The following FBXW4 variants were observed in gnomAD, a reference collection of about 807,000 sequenced individuals.
FBXW4 encodes the protein F-box and WD repeat domain containing 4.
Under a neutral mutation model 61.8 loss-of-function variants are expected in FBXW4, and 40 were observed. The ratio of observed to expected loss-of-function variants is 0.65; its 90% CI spans 0.50 to 0.84. The LOEUF (loss-of-function observed/expected upper bound fraction) is 0.84, where lower values mean the gene tolerates loss of function less well. FBXW4 is among the 40% of genes least tolerant of loss of function. The probability of loss-of-function intolerance (pLI) is 0.00; values close to 1 mark genes in which losing one functional copy is unlikely to be tolerated. For missense variants in FBXW4, 672 were observed against 753.8 expected (o/e 0.89, Z 1.27); for synonymous variants, 311 against 313.8 (o/e 0.99, Z 0.10).
At chr10:101,637,604 A>G (rs1401713940) in intron 5 of FBXW4, among the ~76,000 whole-genome samples, 2 of 143,972 alleles carry the variant, frequency 1.4e-5, no homozygotes, top group African/African-American at 5.2e-5. Context: ...TCTACTTGGG[A>G]AGCTGAGGCA....
intron 5 of FBXW4, among the ~76,000 whole-genome samples, chr10:101,666,834 A>G (rs576747049): frequency 6.6e-6 from 1 of 152,218 alleles, no homozygotes; most frequent in East Asian, 1.9e-4. Flanking sequence ...AGATGGGAGG[A>G]TCACTTGAGG....
chr10:101,639,319 T>C (rs575360901), intron 5 of FBXW4, among the ~76,000 whole-genome samples: 8 of 152,260 alleles, frequency 5.3e-5, no homozygotes, highest in African/African-American at 1.9e-4. Flanking sequence ...ATCAACAGCT[T>C]ACAAAGGAGG....
intron 5 of FBXW4, among the ~76,000 whole-genome samples, chr10:101,639,102 C>T (rs1266904130): frequency 6.6e-6 from 1 of 152,188 alleles, no homozygotes; most frequent in Non-Finnish European, 1.5e-5. Context: ...AGTTTAATCC[C>T]AAATCATGCA....
At chr10:101,648,358 CAA>C (rs1344601991) in intron 5 of FBXW4, among the ~76,000 whole-genome samples, 6 of 152,136 alleles carry the variant, frequency 3.9e-5, no homozygotes, top group Non-Finnish European at 5.9e-5. Flanking sequence ...TCTCCCATCA[CAA>C]AACAGTATCT....
At chr10:101,659,727 C>T (rs2064225045) in intron 5 of FBXW4, among the ~76,000 whole-genome samples, 1 of 152,170 alleles carries the variant, frequency 6.6e-6, no homozygotes. Context: ...GGGAGAATAG[C>T]TTTATCAAAT....
intron 1 of FBXW4, among the ~76,000 whole-genome samples, chr10:101,687,967 G>A (rs758409178): frequency 6.6e-6 from 1 of 152,202 alleles, no homozygotes; most frequent in Non-Finnish European, 1.5e-5. Context: ...AGGAGAAACT[G>A]GAGACAACCT....
intron 6 of FBXW4, among the ~76,000 whole-genome samples, chr10:101,616,851 G>A (rs2063829374): frequency 6.6e-6 from 1 of 152,220 alleles, no homozygotes; most frequent in African/African-American, 2.4e-5. Flanking sequence ...TCCAGGCCCC[G>A]ATTGTAGATA....
intron 2 of FBXW4, among the ~76,000 whole-genome samples, chr10:101,674,919 A>G (rs1271575093): frequency 6.6e-6 from 1 of 152,204 alleles, no homozygotes; most frequent in Non-Finnish European, 1.5e-5. Context: ...CCTATTCTAC[A>G]TAGGGGTTCT....
chr10:101,618,374 T>C (rs1201987106), intron 6 of FBXW4, among the ~76,000 whole-genome samples: 1 of 152,180 alleles, frequency 6.6e-6, no homozygotes, highest in African/African-American at 2.4e-5. Flanking sequence ...GCTGTTTATA[T>C]TGAAGAGCGA....
intron 3 of FBXW4, 21 bp from the exon 4 acceptor site, chr10:101,673,068 C>T (rs753647701): frequency 1.2e-5 from 20 of 1,609,520 alleles, no homozygotes; most frequent in East Asian, 2.2e-5. Flanking sequence ...AATAAGGAGC[C>T]GACCCCCAAG....
chr10:101,646,286 G>T (rs1165465498), intron 5 of FBXW4, among the ~76,000 whole-genome samples: 1 of 152,228 alleles, frequency 6.6e-6, no homozygotes, highest in African/African-American at 2.4e-5. Flanking sequence ...CAGGGCCTCA[G>T]GAGATTCTGA....
chr10:101,629,115 T>G (rs1170324250), intron 5 of FBXW4, among the ~76,000 whole-genome samples: 1 of 152,234 alleles, frequency 6.6e-6, no homozygotes, highest in East Asian at 1.9e-4. Context: ...GGAAATTAGT[T>G]GGGCACGGAC....
intron 5 of FBXW4, chr10:101,660,137 G>A (rs1441234675): frequency 1.0e-6 from 1 of 985,314 alleles, no homozygotes; most frequent in African/African-American, 1.7e-5. Context: ...AGCTGAGAAA[G>A]CACAGGTCAG....
Position 101,614,626 on chromosome 10 carries a change from GTTTC to G in FBXW4, c.1302-2153_1302-2150del, listed in dbSNP as rs1221205495. On this transcript the variant is annotated intron_variant, in intron 6 of 8. Transcript: ENST00000331272. ...CGCACAGCCTGGCAGGGGCTGAGAAGTTTCTTTCTGCTGTGCTGTTCTCTGGTTC... is the reference window on the plus strand; with the variant it reads ...CGCACAGCCTGGCAGGGGCTGAGAAGTTTCTGCTGTGCTGTTCTCTGGTTC... Among the ~76,000 whole-genome samples, 8 of 152,352 alleles carry G rather than the reference GTTTC, an allele frequency of 5.3e-5. No homozygotes were observed. The South Asian group carries it at 1.7e-3, about 32-fold the overall frequency.
intron 1 of FBXW4, among the ~76,000 whole-genome samples, chr10:101,682,783 CAAG>C (rs1483993458): frequency 2.0e-5 from 3 of 151,388 alleles, no homozygotes; most frequent in Non-Finnish European, 4.4e-5. Context: ...CATCCTCTCC[CAAG>C]AAGAATATCA....
In FBXW4 at chr10:101,694,060, C is replaced by T. The variant is rs915300631; in HGVS notation, c.725+321G>A. Among the ~76,000 whole-genome samples the T allele has an allele frequency of 1.3e-5, 2 of 152,254 alleles. No homozygotes were observed. Among genetic ancestry groups the T allele is most frequent in the African/African-American group, 2.4e-5 (1 of 41,554 alleles). ...ACTGGCTCCTCTGGGGCGAAGGAAC[C>T]GGGGCAGCTAAACCTCTGCAAAAAC... On this transcript the variant is annotated intron_variant, in intron 1 of 8. Coordinates refer to ENST00000331272, the MANE Select transcript of FBXW4 (RefSeq NM_022039.4). The surrounding 1 kb of genome is among the most constrained non-coding windows in gnomAD (Gnocchi z 6.0).
At chr10:101,663,350 G>A (rs977520563) in intron 5 of FBXW4, among the ~76,000 whole-genome samples, 1 of 152,228 alleles carries the variant, frequency 6.6e-6, no homozygotes, top group African/African-American at 2.4e-5. Context: ...AAGGAGTGAG[G>A]TGAAAGGGTG....
At position 101,667,941 on chromosome 10, in the gene FBXW4, G is replaced by A. The variant is rs2064322046; in HGVS notation, c.1180C>T (p.His394Tyr). The A allele has an allele frequency of 1.2e-6, 2 of 1,614,234 alleles. No homozygotes were observed. Among genetic ancestry groups the A allele is most frequent in the Admixed American group, 1.7e-5 (1 of 60,028 alleles). ...LASGRLGQCL[H>Y]TIQTEDRVWS... ...ACTCGGTCTTCAGTCTGGATGGTGT[G>A]TAAGCACTGCCCCAGCCGGCCTGAG... The change falls in exon 5 of 9, where the codon CAC becomes TAC. Residue 394 changes from histidine (H) to tyrosine (Y), a missense_variant. Coordinates refer to ENST00000331272, the MANE Select transcript of FBXW4 (RefSeq NM_022039.4).
chr10:101,671,093 C>T (rs779302155), intron 4 of FBXW4, among the ~76,000 whole-genome samples: 1 of 152,080 alleles, frequency 6.6e-6, no homozygotes, highest in Non-Finnish European at 1.5e-5. Flanking sequence ...TCAGATGCCA[C>T]TGAAAAGAAA....
Sources: allele counts gnomAD v4.1 joint callset (sites outside exome capture counted in the v4.1 genomes callset), GRCh38; gene constraint gnomAD v4.1.1; non-coding constraint Gnocchi (gnomAD v3.1); transcripts MANE v1.5; gene names NCBI Gene and HGNC (gene_info 2026-07-23, HGNC 2026-07-21).